The following CAPN3 variants were observed in gnomAD, a reference collection of about 807,000 sequenced individuals.
The protein encoded by CAPN3 is calpain-3.
In CAPN3, 88 loss-of-function variants were observed where a neutral mutation model predicts 114.0. That is an observed-to-expected ratio of 0.77 (90% CI 0.65 to 0.92). CAPN3 has a LOEUF of 0.92. Ranked by LOEUF, CAPN3 falls within the 40% of genes least tolerant of loss-of-function variation. The pLI is 0.00. For synonymous variants in CAPN3, 386 were observed against 382.9 expected, an observed-to-expected ratio of 1.01 and a Z score of -0.09; for missense variants, 1,028 against 1,069.0, an observed-to-expected ratio of 0.96 and a Z score of 0.53.
At chr15:42,371,136 G>A in intron 1 of CAPN3, among the ~76,000 whole-genome samples, 1 of 152,130 alleles carries the variant, frequency 6.6e-6, no homozygotes, top group Non-Finnish European at 1.5e-5. Flanking sequence ...GACAAAACGA[G>A]GTACCCATTT....
chr15:42,410,275 G>A (rs2054169499), intron 19 of CAPN3, 153 bp from the exon 20 acceptor site: 1 of 818,552 alleles, frequency 1.2e-6, no homozygotes, highest in East Asian at 2.5e-5. Context: ...GGGTTACAGA[G>A]TAGGCGCAAT....
At position 42,359,942 on chromosome 15, in the gene CAPN3, T is replaced by C. The variant is rs759420171; in HGVS notation, c.137T>C (p.Ile46Thr). The change falls in exon 1 of 24, where the codon ATC becomes ACC. Residue 46 changes from isoleucine (I) to threonine (T), a missense_variant. Physicochemically the swap from Ile to Thr is moderately conservative, Grantham distance 89 (BLOSUM62 -1). Coordinates refer to ENST00000397163, the MANE Select transcript of CAPN3 (RefSeq NM_000070.3). Reference protein sequence around the residue: ...GGNPSGIYSAIISRNFPIIGV... With the variant: ...GGNPSGIYSATISRNFPIIGV... The stretch of plus-strand genomic sequence containing the variant: ...AACCCAAGTGGCATCTATTCAGCCA[T>C]CATCAGCCGCAATTTTCCTATTATC... 6.2e-7 allele frequency: 1 copy of C among 1,614,134 alleles called. No homozygotes were observed. Among genetic ancestry groups the C allele is most frequent in the South Asian group, 1.1e-5 (1 of 91,080 alleles).
intron 1 of CAPN3, among the ~76,000 whole-genome samples, chr15:42,369,870 C>CTTTCT (rs2052894869): frequency 7.9e-6 from 1 of 127,042 alleles, no homozygotes; most frequent in African/African-American, 3.2e-5. Context: ...TTCTTTCTTT[C>CTTTCT]TTTTTTTTTT....
chr15:42,384,927 TACAC>T (rs1057165850), intron 2 of CAPN3, among the ~76,000 whole-genome samples: 8 of 152,192 alleles, frequency 5.3e-5, no homozygotes, highest in East Asian at 1.9e-4. Flanking sequence ...AGATTCTAGA[TACAC>T]ACACAAAAGG....
chr15:42,395,638 C>G (rs1234673152), intron 8 of CAPN3, among the ~76,000 whole-genome samples: 1 of 152,188 alleles, frequency 6.6e-6, no homozygotes, highest in Admixed American at 6.5e-5. Flanking sequence ...TGCAGGGACG[C>G]TTGCTGTGTT....
At position 42,359,639 on chromosome 15, in the gene CAPN3, A is replaced by G. The variant is rs996880730; in HGVS notation, c.-167A>G. Reference sequence around the variant, plus strand: ...TCACAGCTCGGTTTTTAAGATGGACATAACCTGTACGACCTTCTGATGGGC... The same window carrying G: ...TCACAGCTCGGTTTTTAAGATGGACGTAACCTGTACGACCTTCTGATGGGC... On this transcript the variant is annotated 5_prime_UTR_variant, in exon 1 of 24. Transcript: ENST00000397163. 2.0e-5 allele frequency: 30 copies of G among 1,467,682 alleles called. No individual in the cohort carries two copies. The African/African-American group carries it at 4.0e-4, about 19-fold the overall frequency. 90.9% of individuals were successfully genotyped at this position (1,467,682 alleles called of 1,614,324 possible).
rs922614659 is a variant in CAPN3, at chr15:42,395,854, G to C, written c.1116-946G>C. ...TTCCTCCACCCCTTACCTTTCCAGG[G>C]AGCACCCAGTTTAGTTGAATTCTCC... On this transcript the variant is annotated intron_variant, in intron 8 of 23. Coordinates refer to ENST00000397163, the MANE Select transcript of CAPN3 (RefSeq NM_000070.3). Among the ~76,000 whole-genome samples, 12 of 152,252 alleles carry C rather than the reference G, an allele frequency of 7.9e-5. No individual in the cohort carries two copies. In the South Asian group the frequency reaches 2.5e-3, roughly 32 times the overall value.
chr15:42,372,216 A>G (rs561475070), intron 1 of CAPN3, among the ~76,000 whole-genome samples: 141 of 152,180 alleles, frequency 9.3e-4, no homozygotes, highest in African/African-American at 3.2e-3. Context: ...CTGGAGTACA[A>G]TGGTGCAATC....
At chr15:42,387,050 C>A (rs999195507) in intron 3 of CAPN3, among the ~76,000 whole-genome samples, 1 of 152,160 alleles carries the variant, frequency 6.6e-6, no homozygotes, top group South Asian at 2.1e-4. Context: ...TCAGACTCCC[C>A]CTCCTGCCGC....
At chr15:42,363,900 A>G (rs1474541424) in intron 1 of CAPN3, among the ~76,000 whole-genome samples, 3 of 152,302 alleles carry the variant, frequency 2.0e-5, no homozygotes, top group South Asian at 4.1e-4. Context: ...AACCCACACA[A>G]TCTGGCTCTA....
intron 14 of CAPN3, chr15:42,404,707 G>C: frequency 8.5e-7 from 1 of 1,174,120 alleles, no homozygotes; most frequent in Non-Finnish European, 1.1e-6. Context: ...TTTGTGCTCT[G>C]TGGGGATGAC....
At position 42,394,312 on chromosome 15, in the gene CAPN3, G is replaced by C. The variant is rs1236970580; in HGVS notation, c.1086G>C (p.Gln362His). ...TGCGGCTGCGGAATCCGTGGGGCCA[G>C]GTGGAGTGGAACGGTTCTTGGAGTG... is the stretch of plus-strand genomic sequence containing the variant. ...KLVRLRNPWG[Q>H]VEWNGSWSDR... Residue 362 changes from glutamine (Q) to histidine (H), a missense_variant, in exon 8 of 24, where the codon CAG becomes CAC. By Grantham distance (24) the Gln-to-His change is conservative. Transcript: ENST00000397163. 1 of 1,563,248 alleles carries C rather than the reference G, an allele frequency of 6.4e-7. No homozygotes were observed. Among genetic ancestry groups the C allele is most frequent in the Admixed American group, 1.9e-5 (1 of 52,320 alleles).
At chr15:42,401,038 A>T (rs2053847626) in intron 10 of CAPN3, among the ~76,000 whole-genome samples, 1 of 152,144 alleles carries the variant, frequency 6.6e-6, no homozygotes, top group African/African-American at 2.4e-5. Context: ...TACTAAAGAT[A>T]CAAAAATTAA....
intron 1 of CAPN3, among the ~76,000 whole-genome samples, chr15:42,368,904 T>G (rs1244726490): frequency 1.3e-5 from 2 of 152,160 alleles, no homozygotes; most frequent in Non-Finnish European, 2.9e-5. Context: ...ATACAAAGAT[T>G]AGCCAGGTAT....
Position 42,389,092 on chromosome 15 carries a change from T to C in CAPN3, c.797T>C (p.Ile266Thr), listed in dbSNP as rs761142449. The C allele has an allele frequency of 2.2e-5, 36 of 1,613,930 alleles. No homozygotes were observed. The Middle Eastern group carries it at 8.3e-4, about 37-fold the overall frequency. ...IERGSLMGCS[I>T]DDGTNMTYGT... ...AGAGGCTCCCTCATGGGCTGCTCCA[T>C]TGATGTAAGTCTGGGGTGTGGGGCA... Residue 266 changes from isoleucine (I) to threonine (T), a missense_variant, in exon 5 of 24, where the codon ATT (isoleucine) becomes ACT (threonine). Ile to Thr is a moderately conservative substitution (Grantham distance 89). Transcript: ENST00000397163.
chr15:42,408,077 C>T (rs923957842), intron 15 of CAPN3, 134 bp from the exon 16 acceptor site: 32 of 665,614 alleles, frequency 4.8e-5, no homozygotes, highest in South Asian at 1.5e-4. Context: ...GAGCTTGAAC[C>T]GAGGTTGAAG....
rs886041335 is a variant in CAPN3 at position 42,410,586 on chromosome 15, A to G, written c.2185-2A>G. 2 of 1,613,854 alleles carry G rather than the reference A, an allele frequency of 1.2e-6. No individual in the cohort carries two copies. Among genetic ancestry groups the G allele is most frequent in the Non-Finnish European group, 1.7e-6 (2 of 1,179,862 alleles). Reference sequence around the variant, plus strand: ...CTCCATCCTCAAATTTTCTATTGCCAGAAAATTTTCAAACACTATGACACA... The same window carrying G: ...CTCCATCCTCAAATTTTCTATTGCCGGAAAATTTTCAAACACTATGACACA... On this transcript the variant is annotated splice_acceptor_variant, in intron 20 of 23. Transcript: ENST00000397163. LOFTEE classifies it high-confidence loss of function.
chr15:42,402,747 G>A (rs764542352), intron 12 of CAPN3, 47 bp from the exon 13 acceptor site: 30 of 1,596,494 alleles, frequency 1.9e-5, no homozygotes, highest in Non-Finnish European at 2.4e-5. Flanking sequence ...AGGACAGGAT[G>A]TTCCTCCCGA....
At chr15:42,411,220 G>C in intron 22 of CAPN3, 67 bp from the exon 23 acceptor site, 1 of 1,345,122 alleles carries the variant, frequency 7.4e-7, no homozygotes, top group Non-Finnish European at 1.1e-6. Context: ...GTCCTCTGAG[G>C]GGAAGTTACA....
Sources: allele counts gnomAD v4.1 joint callset (sites outside exome capture counted in the v4.1 genomes callset), GRCh38; gene constraint gnomAD v4.1.1; transcripts MANE v1.5; gene names NCBI Gene and HGNC (gene_info 2026-07-23, HGNC 2026-07-21).